NRXN1: variants seen among roughly 807,000 people sequenced by gnomAD.
The protein encoded by NRXN1 is neurexin-1.
In NRXN1, 39 loss-of-function variants were observed where a neutral mutation model predicts 150.9. That is an observed-to-expected ratio of 0.26 (90% CI 0.20 to 0.34). NRXN1 has a LOEUF of 0.34. NRXN1 is among the 10% of genes least tolerant of loss of function. The pLI is 1.00. For missense variants in NRXN1, 1,815 were observed against 1,949.9 expected, an observed-to-expected ratio of 0.93 and a Z score of 1.30; for synonymous variants, 924 against 757.0, an observed-to-expected ratio of 1.22 and a Z score of -3.62.
chr2:50,098,847 T>TGG (rs1700613607), intron 18 of NRXN1, among the ~76,000 whole-genome samples: 19 of 17,546 alleles, frequency 1.1e-3, no homozygotes, highest in African/African-American at 3.7e-3. Context: ...TTTTTTTTTT[T>TGG]TTTTTTTTTT....
chr2:50,121,386 C>G (rs1423386336), intron 18 of NRXN1, among the ~76,000 whole-genome samples: 1 of 152,202 alleles, frequency 6.6e-6, no homozygotes, highest in Non-Finnish European at 1.5e-5. Flanking sequence ...ATAATAAACT[C>G]CATTTTACAT....
At chr2:50,677,422 C>A (rs1387237629) in intron 5 of NRXN1, among the ~76,000 whole-genome samples, 1 of 152,106 alleles carries the variant, frequency 6.6e-6, no homozygotes, top group East Asian at 1.9e-4. Context: ...TTTCTTGACA[C>A]TGTCTAAGAA....
chr2:50,370,168 C>T (rs1040731320), intron 17 of NRXN1, among the ~76,000 whole-genome samples: 2 of 151,914 alleles, frequency 1.3e-5, no homozygotes, highest in African/African-American at 4.8e-5. Flanking sequence ...TACATTGTCC[C>T]TCCAACTATA....
chr2:50,484,286 A>G (rs943083949), intron 15 of NRXN1, among the ~76,000 whole-genome samples: 1 of 152,174 alleles, frequency 6.6e-6, no homozygotes, highest in Non-Finnish European at 1.5e-5. Flanking sequence ...TTTCCAAAAA[A>G]GAATTCCTTC....
chr2:50,931,825 T>C (rs377441489), intron 2 of NRXN1, among the ~76,000 whole-genome samples: 1 of 152,218 alleles, frequency 6.6e-6, no homozygotes, highest in South Asian at 2.1e-4. Context: ...AGATCATACA[T>C]TGAAATTTTC....
intron 5 of NRXN1, among the ~76,000 whole-genome samples, chr2:50,774,190 T>G (rs1014664290): frequency 2.0e-5 from 3 of 152,162 alleles, no homozygotes; most frequent in Non-Finnish European, 4.4e-5. Flanking sequence ...AGAAAAATAC[T>G]CATTCACGTA....
chr2:50,041,272 C>T (rs887441949), intron 21 of NRXN1, among the ~76,000 whole-genome samples: 2 of 152,122 alleles, frequency 1.3e-5, no homozygotes, highest in Non-Finnish European at 2.9e-5. Flanking sequence ...GTTCTTTGTA[C>T]TTCATTCCCA....
At chr2:49,942,615 T>A (rs913570399) in intron 22 of NRXN1, among the ~76,000 whole-genome samples, 3 of 93,938 alleles carry the variant, frequency 3.2e-5, no homozygotes, top group Admixed American at 2.3e-4. Flanking sequence ...TATTATTATT[T>A]TATTATTATT....
chr2:49,969,678 A>T (rs1354448008), intron 21 of NRXN1: 3 of 152,066 alleles, frequency 2.0e-5, no homozygotes, highest in Non-Finnish European at 4.4e-5. Context: ...CTCCCATCCG[A>T]GTACTAACCA....
intron 5 of NRXN1, among the ~76,000 whole-genome samples, chr2:50,644,095 C>T (rs1684453340): frequency 6.6e-6 from 1 of 151,132 alleles, no homozygotes; most frequent in African/African-American, 2.4e-5. Context: ...GTAAATCTTA[C>T]ATAAAACCAG....
intron 17 of NRXN1, among the ~76,000 whole-genome samples, chr2:50,427,502 T>A (rs2084594230): frequency 1.3e-5 from 2 of 152,074 alleles, no homozygotes; most frequent in African/African-American, 4.8e-5. Context: ...ATTAGGTTGG[T>A]TTCTCTAGCA....
intron 5 of NRXN1, among the ~76,000 whole-genome samples, chr2:50,848,040 G>A (rs902499208): frequency 6.6e-6 from 1 of 152,150 alleles, no homozygotes; most frequent in Non-Finnish European, 1.5e-5. Context: ...GGGATCTAAT[G>A]GATCTGGTTA....
At chr2:50,704,837 TATATA>T (rs1694212545) in intron 5 of NRXN1, among the ~76,000 whole-genome samples, 1 of 151,936 alleles carries the variant, frequency 6.6e-6, no homozygotes, top group South Asian at 2.1e-4. Flanking sequence ...ATATTAATAA[TATATA>T]ATATTACAAT....
chr2:49,989,150 T>C (rs1004334176), intron 21 of NRXN1, among the ~76,000 whole-genome samples: 1 of 152,198 alleles, frequency 6.6e-6, no homozygotes, highest in Non-Finnish European at 1.5e-5. Flanking sequence ...CCAAGTCCAA[T>C]GGCTTGTGTG....
At chr2:50,532,861 C>T (rs912016369) in intron 10 of NRXN1, among the ~76,000 whole-genome samples, 5 of 152,082 alleles carry the variant, frequency 3.3e-5, no homozygotes, top group South Asian at 4.1e-4. Flanking sequence ...GCAAAACAAG[C>T]GTGAATCAGT....
At chr2:50,287,671 T>A (rs768425353) in intron 17 of NRXN1, among the ~76,000 whole-genome samples, 14 of 152,128 alleles carry the variant, frequency 9.2e-5, no homozygotes, top group Non-Finnish European at 1.8e-4. Flanking sequence ...ATGGTCTGAT[T>A]TCTGTTTCCA....
intron 2 of NRXN1, among the ~76,000 whole-genome samples, chr2:51,014,463 G>T (rs1013198715): frequency 3.3e-5 from 5 of 151,972 alleles, no homozygotes; most frequent in African/African-American, 9.7e-5. Context: ...ACTTAAGGGA[G>T]AAATTTTCTG....
At chr2:49,986,744 C>A (rs1680982107) in intron 21 of NRXN1, among the ~76,000 whole-genome samples, 1 of 152,132 alleles carries the variant, frequency 6.6e-6, no homozygotes, top group African/African-American at 2.4e-5. Context: ...TGGGAACACT[C>A]AAAGTCCTCT....
chr2:50,348,979 G>C (rs2078233981), intron 17 of NRXN1, among the ~76,000 whole-genome samples: 1 of 151,974 alleles, frequency 6.6e-6, no homozygotes, highest in African/African-American at 2.4e-5. Context: ...ATGTAATTCT[G>C]GGAAGATTTG....
Sources: allele counts gnomAD v4.1 joint callset (sites outside exome capture counted in the v4.1 genomes callset), GRCh38; gene constraint gnomAD v4.1.1; transcripts MANE v1.5; gene names NCBI Gene and HGNC (gene_info 2026-07-23, HGNC 2026-07-21).